Variants in PIGS observed in about 807,000 individuals in gnomAD.
PIGS encodes the protein phosphatidylinositol glycan anchor biosynthesis class S, also known as GPI-anchor transamidase component PIGS.
In PIGS, 37 loss-of-function variants were observed where a neutral mutation model predicts 58.2. The observed-to-expected ratio is 0.64, with a 90% CI of 0.49 to 0.84. PIGS has a LOEUF of 0.84. Ranked by LOEUF, PIGS falls within the 40% of genes least tolerant of loss-of-function variation. The probability of loss-of-function intolerance (pLI) is 0.00; values close to 1 mark genes in which losing one functional copy is unlikely to be tolerated. For missense variants in PIGS, 629 were observed against 710.8 expected, an observed-to-expected ratio of 0.88 and a Z score of 1.31; for synonymous variants, 269 against 289.2, an observed-to-expected ratio of 0.93 and a Z score of 0.71.
chr17:28,569,097 C>CAAAAAAAAAAAAAAAAAAAAAA (rs564819903), intron 3 of PIGS, among the ~76,000 whole-genome samples: 1 of 52,344 alleles, frequency 1.9e-5, no homozygotes, highest in Non-Finnish European at 4.0e-5. Context: ...AACTCCATCT[C>CAAAAAAAAAAAAAAAAAAAAAA]AAAAAAAAAA....
intron 4 of PIGS, 103 bp downstream of exon 4, chr17:28,563,715 G>A: frequency 1.5e-6 from 2 of 1,329,562 alleles, no homozygotes. Flanking sequence ...AGCATTCCAA[G>A]AGAGGTTTTG....
At chr17:28,569,343 G>A (rs2070413488) in intron 3 of PIGS, among the ~76,000 whole-genome samples, 1 of 151,280 alleles carries the variant, frequency 6.6e-6, no homozygotes, top group African/African-American at 2.4e-5. Context: ...GATGGTGTGC[G>A]GCTGTAGTCC....
At chr17:28,570,127 T>C (rs1159677282) in intron 3 of PIGS, among the ~76,000 whole-genome samples, 1 of 152,228 alleles carries the variant, frequency 6.6e-6, no homozygotes, top group Non-Finnish European at 1.5e-5. Flanking sequence ...CTCCCCTACC[T>C]ATGAACATCT....
chr17:28,571,034 G>A lies in PIGS; in HGVS notation c.174+15C>T. ...GGGGGGGCTGTCCCCCGACCCTCCC[G>A]CACAGCAGTCTCACCTGAAGGGCAT... On this transcript the variant is annotated intron_variant, in intron 2 of 11. Transcript: ENST00000308360. 1 of 1,614,098 alleles carries A rather than the reference G, an allele frequency of 6.2e-7. No individual in the cohort carries two copies. Among genetic ancestry groups the A allele is most frequent in the African/African-American group, 1.3e-5 (1 of 75,044 alleles).
Position 28,571,050 on chromosome 17 carries a change from TG to T in PIGS, c.172del (p.Gln58SerfsTer37), listed in dbSNP as rs1408991043. 1.2e-6 allele frequency: 2 copies of T among 1,614,128 alleles called. No individual in the cohort carries two copies. The highest frequency in any genetic ancestry group is 3.3e-5 in the Admixed American group (2 of 60,034). ...GACCCTCCCGCACAGCAGTCTCACCTGAAGGGCATTCAGGCCACTGATCTGG... is the reference window on the plus strand; with the variant it reads ...GACCCTCCCGCACAGCAGTCTCACCTAAGGGCATTCAGGCCACTGATCTGG... The part of the protein sequence containing the change: ...YSQISGLNAL[Q>X]LRLMVPVTVV... On this transcript the variant is annotated frameshift_variant and splice_region_variant, in exon 2 of 12. Transcript: ENST00000308360. LOFTEE classifies it high-confidence loss of function.
intron 7 of PIGS, 38 bp from the exon 8 acceptor site, chr17:28,558,628 TTA>T: frequency 1.4e-6 from 2 of 1,469,096 alleles, no homozygotes; most frequent in East Asian, 4.7e-5. Flanking sequence ...TTGTTTAGAT[TTA>T]TATTCTACTT....
intron 8 of PIGS, chr17:28,557,229 A>G (rs1049618641): frequency 1.3e-5 from 6 of 457,384 alleles, no homozygotes; most frequent in African/African-American, 1.0e-4. Context: ...TTGACTGTCT[A>G]CGACAGCTTT....
intron 2 of PIGS, 25 bp from the exon 3 acceptor site, chr17:28,570,988 T>A (rs1470019744): frequency 6.2e-6 from 10 of 1,614,174 alleles, no homozygotes; most frequent in Non-Finnish European, 8.5e-6. Context: ...ATCAGGGCCG[T>A]CACTGAGTCT....
intron 3 of PIGS, among the ~76,000 whole-genome samples, chr17:28,569,161 G>A (rs887504082): frequency 2.0e-5 from 3 of 149,778 alleles, no homozygotes; most frequent in African/African-American, 4.9e-5. Flanking sequence ...TGAACCATAC[G>A]AAATATCATT....
At position 28,560,075 on chromosome 17, in the gene PIGS, C is replaced by T. The variant is rs769829385; in HGVS notation, c.793G>A (p.Ala265Thr). ...TGAGAGTCCACAGAGAAGTTGCCAG[C>T]GGCACCGAGGGCATTCAGGAAAGGT... The part of the protein sequence containing the change: ...VQPFLNALGA[A>T]GNFSVDSQIL... Residue 265 changes from alanine to threonine, a missense_variant, in exon 7 of 12, where the codon GCT becomes ACT. Physicochemically the swap from Ala to Thr is moderately conservative, Grantham distance 58. Coordinates refer to ENST00000308360, the MANE Select transcript of PIGS (RefSeq NM_033198.4). The T allele has an allele frequency of 7.4e-6, 12 of 1,611,590 alleles. No individual in the cohort carries two copies. The South Asian group carries it at 8.8e-5, about 12-fold the overall frequency.
chr17:28,559,019 T>C (rs1233998232), intron 7 of PIGS, among the ~76,000 whole-genome samples: 1 of 152,130 alleles, frequency 6.6e-6, no homozygotes, highest in Non-Finnish European at 1.5e-5. Flanking sequence ...CTCACTCTGT[T>C]GCCAGGCTGG....
intron 3 of PIGS, among the ~76,000 whole-genome samples, chr17:28,564,740 A>T (rs1056340615): frequency 6.0e-5 from 9 of 150,962 alleles, no homozygotes; most frequent in African/African-American, 2.2e-4. Context: ...AAAGGCAGTT[A>T]TGGTGGTGCA....
intron 3 of PIGS, among the ~76,000 whole-genome samples, chr17:28,568,958 G>A (rs1261461540): frequency 1.3e-5 from 2 of 151,792 alleles, no homozygotes; most frequent in Non-Finnish European, 2.9e-5. Context: ...TTAGCTGGGC[G>A]TGGTGGCAGG....
chr17:28,557,447 C>T (rs2070338279), intron 8 of PIGS: 1 of 177,936 alleles, frequency 5.6e-6, no homozygotes, highest in South Asian at 1.3e-4. Context: ...CACATTTCAG[C>T]CACACTAAAC....
At chr17:28,562,788 T>A (rs952837500) in intron 5 of PIGS, among the ~76,000 whole-genome samples, 7 of 151,812 alleles carry the variant, frequency 4.6e-5, no homozygotes, top group South Asian at 2.1e-4. Flanking sequence ...ATTAGCTCAC[T>A]GCAACCTCCA....
intron 3 of PIGS, 47 bp downstream of exon 3, chr17:28,570,805 G>A (rs781539696): frequency 1.4e-5 from 22 of 1,595,408 alleles, no homozygotes; most frequent in Non-Finnish European, 1.7e-5. Flanking sequence ...ACTCAGCTCT[G>A]AACTGAGCTC....
rs1419716304 is a variant in PIGS, at chr17:28,558,599, C to A, written c.820-9G>T. 5 of 1,589,540 alleles carry A rather than the reference C, an allele frequency of 3.1e-6. No homozygotes were observed. Among genetic ancestry groups the A allele is most frequent in the Non-Finnish European group, 4.3e-6 (5 of 1,162,552 alleles). The stretch of plus-strand genomic sequence containing the variant: ...ATTGCATAGTAAAGAATCTGTAGAG[C>A]AAACAGGGAGTGGTTACTTTGTTTA... On this transcript the variant is annotated splice_polypyrimidine_tract_variant and intron_variant, in intron 7 of 11. Transcript: ENST00000308360.
chr17:28,565,568 C>T (rs1322633241), intron 3 of PIGS, among the ~76,000 whole-genome samples: 1 of 152,092 alleles, frequency 6.6e-6, no homozygotes, highest in Non-Finnish European at 1.5e-5. Context: ...ACATTTCTTC[C>T]AGAAAGAAGA....
intron 3 of PIGS, 76 bp from the exon 4 acceptor site, chr17:28,563,983 T>C (rs2151513654): frequency 7.8e-7 from 1 of 1,281,638 alleles, no homozygotes; most frequent in African/African-American, 1.5e-5. Flanking sequence ...CCTAACACTG[T>C]CCAGCATCTG....
Sources: gnomAD v4.1 joint callset for allele counts (sites outside exome capture counted in the v4.1 genomes callset) on GRCh38, gnomAD v4.1.1 for gene constraint, MANE v1.5 for transcripts, NCBI Gene and HGNC (gene_info 2026-07-23, HGNC 2026-07-21) for gene names.